The following DDX10 variants were observed in gnomAD, a reference collection of about 807,000 sequenced individuals.
DDX10 encodes the protein DEAD-box helicase 10.
In DDX10, 74 loss-of-function variants were observed where a neutral mutation model predicts 104.3. The ratio of observed to expected loss-of-function variants is 0.71; its 90% CI spans 0.59 to 0.86. DDX10 has a LOEUF of 0.86. DDX10 is among the 40% of genes least tolerant of loss of function. DDX10 has a pLI of 0.00. For synonymous variants in DDX10, 351 were observed against 353.4 expected (o/e 0.99, Z 0.08); for missense variants, 952 against 1,040.0 (o/e 0.92, Z 1.16).
chr11:108,767,223 G>A (rs1170813295), intron 13 of DDX10: 1 of 152,146 alleles, frequency 6.6e-6, no homozygotes. Flanking sequence ...GGGATTACTT[G>A]TTTTATACTG....
At position 108,918,126 on chromosome 11, in the gene DDX10, C is replaced by CT. The variant is rs760633276; in HGVS notation, c.2450+116dup. ...GTTCTACTCCAAGAGATGTTTGTTG[C>CT]TTTTTTTTGATACCTTTACTTAGAT... On this transcript the variant is annotated intron_variant, in intron 17 of 17. Transcript: ENST00000322536. 1.8e-4 allele frequency: 200 copies of CT among 1,133,330 alleles called. 1 individual carries two copies. Among genetic ancestry groups the CT allele is most frequent in the East Asian group, 5.9e-4 (25 of 42,068 alleles). 70.2% of individuals were successfully genotyped at this position (1,133,330 alleles called of 1,614,324 possible). A position where few individuals can be genotyped will look rare whatever the true frequency, so the allele number is the denominator to read the frequency against.
chr11:108,679,237 G>C, intron 5 of DDX10, 134 bp from the exon 6 acceptor site: 1 of 727,764 alleles, frequency 1.4e-6, no homozygotes, highest in East Asian at 2.6e-5. Context: ...ATAAATTCCA[G>C]ACTTTATTCA....
chr11:108,770,223 G>T (rs1402250442), intron 13 of DDX10, among the ~76,000 whole-genome samples: 1 of 152,172 alleles, frequency 6.6e-6, no homozygotes, highest in Non-Finnish European at 1.5e-5. Context: ...GGCATGTAAT[G>T]TGAATTTAAC....
chr11:108,669,011 A>G (rs1363265146), intron 1 of DDX10, among the ~76,000 whole-genome samples: 1 of 151,746 alleles, frequency 6.6e-6, no homozygotes, highest in Non-Finnish European at 1.5e-5. Context: ...GCTGGATTTC[A>G]TCCCCTGCAT....
At chr11:108,924,493 A>G (rs1376258072) in intron 17 of DDX10, among the ~76,000 whole-genome samples, 1 of 152,140 alleles carries the variant, frequency 6.6e-6, no homozygotes, top group Admixed American at 6.5e-5. Flanking sequence ...ATTTTTACAC[A>G]TCTCTGAATC....
At chr11:108,689,384 A>G (rs1400490793) in intron 7 of DDX10, among the ~76,000 whole-genome samples, 1 of 152,206 alleles carries the variant, frequency 6.6e-6, no homozygotes, top group African/African-American at 2.4e-5. Flanking sequence ...CTCCAAGAAT[A>G]TGGGAATGAA....
intron 13 of DDX10, among the ~76,000 whole-genome samples, chr11:108,726,521 A>T (rs1315597308): frequency 2.0e-5 from 3 of 152,174 alleles, no homozygotes; most frequent in African/African-American, 2.4e-5. Flanking sequence ...ATATAGAAAT[A>T]GTTTGTTTTT....
intron 16 of DDX10, among the ~76,000 whole-genome samples, chr11:108,902,441 G>T (rs567018224): frequency 6.6e-6 from 1 of 152,242 alleles, no homozygotes; most frequent in East Asian, 1.9e-4. Flanking sequence ...GGAGTCAAAC[G>T]TACTGGGATT....
At chr11:108,817,274 TTTTCTC>T (rs1460494728) in intron 13 of DDX10, among the ~76,000 whole-genome samples, 1 of 152,140 alleles carries the variant, frequency 6.6e-6, no homozygotes, top group Non-Finnish European at 1.5e-5. Context: ...TTGTGTGACT[TTTTCTC>T]TTATTGCCTT....
chr11:108,763,223 G>A (rs554095973), intron 13 of DDX10, among the ~76,000 whole-genome samples: 2 of 152,150 alleles, frequency 1.3e-5, no homozygotes, highest in Non-Finnish European at 2.9e-5. Flanking sequence ...CACACTGTGC[G>A]CTGTAGCAGT....
intron 16 of DDX10, among the ~76,000 whole-genome samples, chr11:108,853,837 A>G (rs903725271): frequency 1.1e-4 from 16 of 152,296 alleles, no homozygotes; most frequent in African/African-American, 3.8e-4. Context: ...TTTTCTTGTC[A>G]AGGGAAGGTC....
intron 16 of DDX10, among the ~76,000 whole-genome samples, chr11:108,853,443 C>T (rs903778694): frequency 1.3e-5 from 2 of 152,004 alleles, no homozygotes; most frequent in African/African-American, 4.8e-5. Flanking sequence ...AAAGAAAGCC[C>T]TGTTACTGTA....
At chr11:108,834,907 G>A (rs995718414) in intron 13 of DDX10, among the ~76,000 whole-genome samples, 6 of 110,780 alleles carry the variant, frequency 5.4e-5, no homozygotes, top group Non-Finnish European at 1.7e-5. Context: ...CAGCCTGGGC[G>A]ACTGAGCAAG....
chr11:108,689,126 A>G (rs1245848959), intron 7 of DDX10, 64 bp downstream of exon 7: 9 of 1,517,212 alleles, frequency 5.9e-6, no homozygotes, highest in African/African-American at 5.5e-5. Context: ...TGGCAAATCA[A>G]TTAGACAAAT....
chr11:108,809,818 T>A (rs1862153828), intron 13 of DDX10, among the ~76,000 whole-genome samples: 1 of 152,140 alleles, frequency 6.6e-6, no homozygotes, highest in South Asian at 2.1e-4. Flanking sequence ...AATTAACAAA[T>A]CTCTTTTGCA....
At position 108,675,733 on chromosome 11, in the gene DDX10, A is replaced by G. The variant is rs149877622; in HGVS notation, c.378+7A>G. ...TCTGGCTTTTCTTGTTCCAGTAAGTACATTGTCATTGGGTCAGACTGTCTG... is the reference window on the plus strand; with the variant it reads ...TCTGGCTTTTCTTGTTCCAGTAAGTGCATTGTCATTGGGTCAGACTGTCTG... On this transcript the variant is annotated splice_region_variant and intron_variant, in intron 3 of 17. Transcript: ENST00000322536. 772 of 1,614,048 alleles carry G rather than the reference A, an allele frequency of 4.8e-4. 5 individuals are homozygous for G. The African/African-American group carries it at 9.5e-3, about 20-fold the overall frequency.
chr11:108,725,506 T>G (rs533778922), intron 13 of DDX10, among the ~76,000 whole-genome samples: 1 of 152,212 alleles, frequency 6.6e-6, no homozygotes, highest in South Asian at 2.1e-4. Context: ...TTTTAGCCAT[T>G]CTAGTAGGCA....
chr11:108,856,696 G>T (rs1440635398), intron 16 of DDX10, among the ~76,000 whole-genome samples: 2 of 151,960 alleles, frequency 1.3e-5, no homozygotes, highest in African/African-American at 4.8e-5. Flanking sequence ...TTTTTAAAAA[G>T]TCTTATTATT....
chr11:108,715,966 G>T lies in DDX10; in HGVS notation c.1410G>T (p.Arg470Ser), dbSNP rs1221813978. Residue 470 changes from arginine to serine, a missense_variant and splice_region_variant, in exon 11 of 18, where the codon AGG (arginine) becomes AGT (serine). By Grantham distance (110) the Arg-to-Ser change is moderately radical (BLOSUM62 -1). Transcript: ENST00000322536. ...QDQDLKERAQ[R>S]CFVSYVRSVY... is the part of the protein sequence containing the mutation. ...AAGATTTAAAAGAAAGAGCTCAAAGGGTAAGTCATTTTTCAGTTGGATACT... is the reference window on the plus strand; with the variant it reads ...AAGATTTAAAAGAAAGAGCTCAAAGTGTAAGTCATTTTTCAGTTGGATACT... 6.6e-7 allele frequency: 1 copy of T among 1,505,782 alleles called. No homozygotes were observed. 93.3% of individuals were successfully genotyped at this position (1,505,782 alleles called of 1,614,324 possible). A position where few individuals can be genotyped will look rare whatever the true frequency, so the allele number is the denominator to read the frequency against.
Sources: gnomAD v4.1 joint callset for allele counts (sites outside exome capture counted in the v4.1 genomes callset) on GRCh38, gnomAD v4.1.1 for gene constraint, MANE v1.5 for transcripts, NCBI Gene and HGNC (gene_info 2026-07-23, HGNC 2026-07-21) for gene names.